The following LARP4B variants were observed in gnomAD, a reference collection of about 807,000 sequenced individuals.
LARP4B encodes la-related protein 4B.
In LARP4B, 12 loss-of-function variants were observed where a neutral mutation model predicts 89.8. The ratio of observed to expected loss-of-function variants is 0.13; its 90% CI spans 0.09 to 0.22. The LOEUF is 0.22. LARP4B is among the 10% of genes least tolerant of loss of function. The pLI is 1.00. For synonymous variants in LARP4B, 367 were observed against 363.3 expected, an observed-to-expected ratio of 1.01 and a Z score of -0.12; for missense variants, 757 against 947.7, an observed-to-expected ratio of 0.80 and a Z score of 2.64.
chr10:829,372 A>G lies in LARP4B; in HGVS notation c.1125+13T>C. 6.4e-7 allele frequency: 1 copy of G among 1,570,376 alleles called. No individual in the cohort carries two copies. Among genetic ancestry groups the G allele is most frequent in the African/African-American group, 1.4e-5 (1 of 73,358 alleles). Reference sequence around the variant, plus strand: ...TGTCTACAACATAAATTCCTAGTAAAGAAATGACGTACCAAGGGTGGGTCA... The same window carrying G: ...TGTCTACAACATAAATTCCTAGTAAGGAAATGACGTACCAAGGGTGGGTCA... On this transcript the variant is annotated intron_variant, in intron 11 of 17. Coordinates refer to ENST00000316157, the MANE Select transcript of LARP4B (RefSeq NM_015155.3).
At chr10:833,268 AAAAAAAAAAAAAAAAAC>A (rs1833009915) in intron 8 of LARP4B, among the ~76,000 whole-genome samples, 1 of 149,100 alleles carries the variant, frequency 6.7e-6, no homozygotes, top group Non-Finnish European at 1.5e-5. Flanking sequence ...AAAAAAAAAA[AAAAAAAAAAAAAAAAAC>A]CTCAAAATGT....
intron 1 of LARP4B, among the ~76,000 whole-genome samples, chr10:893,585 T>C (rs1378547124): frequency 6.6e-6 from 1 of 152,232 alleles, no homozygotes; most frequent in Admixed American, 6.5e-5. Flanking sequence ...TGTCCTTCCG[T>C]TGAGTCTCCT....
At chr10:894,956 G>A (rs375143928) in intron 1 of LARP4B, among the ~76,000 whole-genome samples, 16 of 152,306 alleles carry the variant, frequency 1.1e-4, no homozygotes, top group South Asian at 8.3e-4. Context: ...AGGCCAAGGC[G>A]GGCGGACTGC....
At chr10:858,081 A>C (rs1313259782) in intron 5 of LARP4B, among the ~76,000 whole-genome samples, 1 of 152,142 alleles carries the variant, frequency 6.6e-6, no homozygotes, top group South Asian at 2.1e-4. Flanking sequence ...AAAATTAAAA[A>C]TTTTTTAAGC....
intron 5 of LARP4B, among the ~76,000 whole-genome samples, chr10:851,185 T>C (rs1356292307): frequency 1.3e-5 from 2 of 149,284 alleles, no homozygotes; most frequent in Non-Finnish European, 3.0e-5. Flanking sequence ...ACTAACTTTT[T>C]TTTTTTTTTT....
chr10:841,894 T>C (rs1833536528), intron 7 of LARP4B, among the ~76,000 whole-genome samples: 1 of 152,204 alleles, frequency 6.6e-6, no homozygotes, highest in South Asian at 2.1e-4. Flanking sequence ...TTATTTTATA[T>C]TTTATTTGTG....
At chr10:827,275 C>CAAAAAAAAGAAAAAAAA (rs58903055) in intron 11 of LARP4B, among the ~76,000 whole-genome samples, 13 of 151,086 alleles carry the variant, frequency 8.6e-5, no homozygotes, top group African/African-American at 2.2e-4. Context: ...GACTCTGTCT[C>CAAAAAAAAGAAAAAAAA]AAAGAAAAAG....
intron 8 of LARP4B, among the ~76,000 whole-genome samples, chr10:835,761 C>A (rs866317537): frequency 3.3e-5 from 5 of 152,124 alleles, no homozygotes; most frequent in African/African-American, 1.2e-4. Flanking sequence ...GGTGAAACCC[C>A]GTCTCTACTA....
chr10:886,139 C>A (rs1434294826), intron 1 of LARP4B, among the ~76,000 whole-genome samples: 2 of 151,994 alleles, frequency 1.3e-5, no homozygotes, highest in East Asian at 1.9e-4. Context: ...AAATAAATAA[C>A]CTGGTTAAAA....
chr10:909,161 G>A (rs1362291611), intron 1 of LARP4B, among the ~76,000 whole-genome samples: 1 of 151,610 alleles, frequency 6.6e-6, no homozygotes, highest in Non-Finnish European at 1.5e-5. Context: ...GGGCATGGTG[G>A]TGGGCACTTG....
chr10:830,441 C>T (rs2131663514), intron 9 of LARP4B, among the ~76,000 whole-genome samples: 1 of 152,286 alleles, frequency 6.6e-6, no homozygotes, highest in East Asian at 1.9e-4. Context: ...AGATGCTTCC[C>T]TTAAAAGCAG....
chr10:894,190 G>A (rs147982438), intron 1 of LARP4B, among the ~76,000 whole-genome samples: 45 of 152,192 alleles, frequency 3.0e-4, no homozygotes, highest in African/African-American at 7.9e-4. Context: ...TTAAAACTGG[G>A]CCTCTAGGCA....
intron 5 of LARP4B, 83 bp downstream of exon 5, chr10:863,660 A>G: frequency 7.2e-7 from 1 of 1,386,670 alleles, no homozygotes. Context: ...CCCATTGTGT[A>G]GAGAATGTTA....
At chr10:952,208 C>A in the LARP4B span, among the ~76,000 whole-genome samples, 1 of 151,470 alleles carries the variant, frequency 6.6e-6, no homozygotes, top group Non-Finnish European at 1.5e-5. Flanking sequence ...GGCTTGGTGG[C>A]GGGCACCTGT....
chr10:948,293 C>G, the LARP4B span, among the ~76,000 whole-genome samples: 1 of 152,242 alleles, frequency 6.6e-6, no homozygotes, highest in Non-Finnish European at 1.5e-5. Context: ...TGTATTGTAT[C>G]TGGAGTACAG....
chr10:970,777 G>A, the LARP4B span, among the ~76,000 whole-genome samples: 2 of 152,082 alleles, frequency 1.3e-5, no homozygotes. Flanking sequence ...AAAGAGAGAA[G>A]ACATTTGAAG....
chr10:904,804 G>A (rs1388982202), intron 1 of LARP4B, among the ~76,000 whole-genome samples: 1 of 152,046 alleles, frequency 6.6e-6, no homozygotes, highest in Non-Finnish European at 1.5e-5. Context: ...GTTCTTTACT[G>A]CTGAGTACTC....
the LARP4B span, among the ~76,000 whole-genome samples, chr10:945,242 G>A: frequency 1.7e-3 from 255 of 151,758 alleles, 1 homozygote; most frequent in African/African-American, 5.8e-3. Flanking sequence ...AAATTAGCTG[G>A]GCATTATGAT....
intron 1 of LARP4B, among the ~76,000 whole-genome samples, chr10:889,397 C>G (rs952470338): frequency 6.6e-6 from 1 of 152,094 alleles, no homozygotes; most frequent in African/African-American, 2.4e-5. Context: ...CTCACTCACT[C>G]AGACTGGGAC....
Sources: allele counts gnomAD v4.1 joint callset (sites outside exome capture counted in the v4.1 genomes callset), GRCh38; gene constraint gnomAD v4.1.1; transcripts MANE v1.5; gene names NCBI Gene and HGNC (gene_info 2026-07-23, HGNC 2026-07-21).